Variants in TULP4 observed in about 807,000 individuals in gnomAD.
TULP4 encodes tubby-related protein 4.
Under a neutral mutation model 129.0 loss-of-function variants are expected in TULP4, and 16 were observed. The observed-to-expected ratio is 0.12, with a 90% CI of 0.08 to 0.19. TULP4 has a LOEUF of 0.19. Ranked by LOEUF, TULP4 falls within the 10% of genes least tolerant of loss-of-function variation. The pLI is 1.00. For synonymous variants in TULP4, 998 were observed against 854.0 expected, an observed-to-expected ratio of 1.17 and a Z score of -2.94; for missense variants, 1,842 against 2,059.1, an observed-to-expected ratio of 0.89 and a Z score of 2.04.
chr6:158,501,005 G>C (rs1397328555), intron 12 of TULP4, among the ~76,000 whole-genome samples: 1 of 152,150 alleles, frequency 6.6e-6, no homozygotes, highest in Non-Finnish European at 1.5e-5. Context: ...CTTGAACCCA[G>C]GAGGTGGAGG....
At position 158,348,172 on chromosome 6, in the gene TULP4, G is replaced by GTTTT. The variant is rs1294845534; in HGVS notation, c.252+33904_252+33905insTTTT. Among the ~76,000 whole-genome samples, 5 of 56,560 alleles carry GTTTT rather than the reference G, an allele frequency of 8.8e-5. 1 individual carries two copies. Among genetic ancestry groups the GTTTT allele is most frequent in the Non-Finnish European group, 1.2e-4 (4 of 33,110 alleles). 37.1% of individuals were successfully genotyped at this position (56,560 alleles called of 152,430 possible). On this transcript the variant is annotated intron_variant, in intron 1 of 13. Coordinates refer to ENST00000367097, the MANE Select transcript of TULP4 (RefSeq NM_020245.5). ...GTTTTGGTCTTTTTTTTTTTTTTAA[G>GTTTT]GTTTTTTTTTTTTTTTAGTATTTAT...
upstream of TULP4, among the ~76,000 whole-genome samples, chr6:158,308,333 A>G (rs1338400078): frequency 6.6e-6 from 1 of 151,970 alleles, no homozygotes; most frequent in African/African-American, 2.4e-5. Context: ...GTCACAGATC[A>G]ACAGGATCCC....
rs576642917 is a variant in TULP4 at position 158,375,316 on chromosome 6, G to A, written c.253-37749G>A. 2.2e-4 allele frequency among the ~76,000 whole-genome samples: 34 copies of A among 152,330 alleles called. 1 individual carries two copies. The South Asian group carries it at 6.4e-3, about 29-fold the overall frequency. On this transcript the variant is annotated intron_variant, in intron 1 of 13. Transcript: ENST00000367097. ...TATGTTCTTTTTTGTTGGCAATTCA[G>A]CGTGTTCCTTTTTTGTCCATTCATC... is the stretch of plus-strand genomic sequence containing the variant.
intron 12 of TULP4, 77 bp from the exon 13 acceptor site, chr6:158,501,601 C>A: frequency 7.1e-7 from 1 of 1,412,774 alleles, no homozygotes; most frequent in Non-Finnish European, 9.7e-7. Flanking sequence ...CTGGATGAGT[C>A]CAGACGTATT....
At chr6:158,302,930 C>T (rs1779155275) in intron 1 of TULP4, among the ~76,000 whole-genome samples, 2 of 151,626 alleles carry the variant, frequency 1.3e-5, no homozygotes, top group Admixed American at 6.6e-5. Context: ...GATAAATGTG[C>T]TCTGGTGAAC....
intron 1 of TULP4, among the ~76,000 whole-genome samples, chr6:158,255,177 A>G (rs9356546): frequency 0.33 from 50,086 of 151,950 alleles, 9,232 homozygotes; most frequent in Admixed American, 0.45. Flanking sequence ...CATGTTTATG[A>G]ATCCCCCTGC....
At chr6:158,418,714 A>G (rs1583854890) in intron 2 of TULP4, among the ~76,000 whole-genome samples, 1 of 152,308 alleles carries the variant, frequency 6.6e-6, no homozygotes, top group African/African-American at 2.4e-5. Flanking sequence ...GCTGCAGTGA[A>G]CTATGACTGT....
intron 1 of TULP4, among the ~76,000 whole-genome samples, chr6:158,328,747 G>A (rs1238375711): frequency 8.0e-6 from 1 of 124,356 alleles, no homozygotes; most frequent in Non-Finnish European, 1.7e-5. Context: ...ACACTAATGT[G>A]CCTAATCTGT....
At chr6:158,456,724 C>T (rs1237567963) in intron 5 of TULP4, among the ~76,000 whole-genome samples, 1 of 151,680 alleles carries the variant, frequency 6.6e-6, no homozygotes, top group East Asian at 1.9e-4. Context: ...ATCCCAGCTA[C>T]GTGGGAGGCC....
In TULP4 at chr6:158,493,961, C is replaced by G. The variant is rs893011541; in HGVS notation, c.1776+244C>G. ...TGGGAGAGAACCTCCCACTTCCCAT[C>G]ACAGCTCCCACCGTCCAGCCCTGCC... is the stretch of plus-strand genomic sequence containing the variant. On this transcript the variant is annotated intron_variant, in intron 10 of 13. Coordinates refer to ENST00000367097, the MANE Select transcript of TULP4 (RefSeq NM_020245.5). This position sits in a 1 kb window ranked among gnomAD's most constrained non-coding sequence, Gnocchi z 4.4. Among the ~76,000 whole-genome samples the G allele has an allele frequency of 2.6e-5, 4 of 152,072 alleles. No homozygotes were observed. The highest frequency in any genetic ancestry group is 2.6e-4 in the Admixed American group (4 of 15,272).
chr6:158,278,448 T>C (rs1296065782), upstream of TULP4, among the ~76,000 whole-genome samples: 2 of 152,138 alleles, frequency 1.3e-5, no homozygotes, highest in African/African-American at 4.8e-5. Flanking sequence ...CCAAAAGATA[T>C]TTTTATTAGT....
chr6:158,425,769 A>C (rs1239826181), intron 2 of TULP4, among the ~76,000 whole-genome samples: 1 of 151,856 alleles, frequency 6.6e-6, no homozygotes, highest in Non-Finnish European at 1.5e-5. Flanking sequence ...ACCCCAGGCT[A>C]GTTTTTGTAT....
rs1779404655 is a variant in TULP4 at position 158,313,266 on chromosome 6, C to T, written c.-751C>T. 5.3e-6 allele frequency: 2 copies of T among 378,820 alleles called. No individual in the cohort carries two copies. The highest frequency in any genetic ancestry group is 1.5e-4 in the South Asian group (1 of 6,844). The allele number at this position is 378,820 out of a possible 1,614,324, so 23.5% of individuals were successfully genotyped here. The stretch of plus-strand genomic sequence containing the variant: ...AGCAGTCCGATGGAGCCCTGCGTTC[C>T]CCGGGGACACAGGGCCAAGCTTTGA... On this transcript the variant is annotated 5_prime_UTR_variant, in exon 1 of 14. Coordinates refer to ENST00000367097, the MANE Select transcript of TULP4 (RefSeq NM_020245.5).
chr6:158,321,411 C>T (rs1287170414), intron 1 of TULP4, among the ~76,000 whole-genome samples: 1 of 152,144 alleles, frequency 6.6e-6, no homozygotes. Flanking sequence ...CTCCAGATAC[C>T]TCTCTCTGTC....
At chr6:158,419,876 AG>A (rs1406705882) in intron 2 of TULP4, among the ~76,000 whole-genome samples, 2 of 152,248 alleles carry the variant, frequency 1.3e-5, no homozygotes, top group African/African-American at 4.8e-5. Context: ...TGACATACTC[AG>A]ACATTTTAAC....
intron 8 of TULP4, 27 bp downstream of exon 8, chr6:158,481,316 A>G (rs781104166): frequency 6.3e-7 from 1 of 1,594,354 alleles, no homozygotes; most frequent in South Asian, 1.1e-5. Context: ...AGGGACTGGG[A>G]CCTTGTTCTC....
At chr6:158,471,981 A>G (rs915100818) in intron 6 of TULP4, among the ~76,000 whole-genome samples, 2 of 152,184 alleles carry the variant, frequency 1.3e-5, no homozygotes, top group Non-Finnish European at 2.9e-5. Context: ...TCCCCACTTC[A>G]TCTGACTTAG....
At chr6:158,302,801 G>A (rs888460177) in intron 1 of TULP4, among the ~76,000 whole-genome samples, 5 of 151,854 alleles carry the variant, frequency 3.3e-5, no homozygotes, top group Non-Finnish European at 1.5e-5. Context: ...AGAGTTATGT[G>A]GAATATTAAT....
At chr6:158,407,635 T>G (rs1777999683) in intron 1 of TULP4, among the ~76,000 whole-genome samples, 1 of 152,146 alleles carries the variant, frequency 6.6e-6, no homozygotes, top group Non-Finnish European at 1.5e-5. Context: ...CTCAATACAA[T>G]GGAATGTTAC....
Sources: gnomAD v4.1 joint callset for allele counts (sites outside exome capture counted in the v4.1 genomes callset) on GRCh38, gnomAD v4.1.1 for gene constraint, Gnocchi (gnomAD v3.1) non-coding constraint, MANE v1.5 for transcripts, NCBI Gene and HGNC (gene_info 2026-07-23, HGNC 2026-07-21) for gene names.